The following CDK14 variants were observed in gnomAD, a reference collection of about 807,000 sequenced individuals.
CDK14 encodes cyclin-dependent kinase 14.
Under a neutral mutation model 60.7 loss-of-function variants are expected in CDK14, and 34 were observed. That is an observed-to-expected ratio of 0.56 (90% CI 0.43 to 0.75). The LOEUF is 0.75. Ranked by LOEUF, CDK14 falls within the 30% of genes least tolerant of loss-of-function variation. The pLI is 0.00. For synonymous variants in CDK14, 197 were observed against 203.7 expected, an observed-to-expected ratio of 0.97 and a Z score of 0.28; for missense variants, 482 against 564.1, an observed-to-expected ratio of 0.85 and a Z score of 1.47.
At chr7:91,000,460 TG>T (rs1795806544) in intron 10 of CDK14, among the ~76,000 whole-genome samples, 1 of 152,228 alleles carries the variant, frequency 6.6e-6, no homozygotes, top group Non-Finnish European at 1.5e-5. Flanking sequence ...TAGCCAGGCC[TG>T]ACATGCCACA....
At chr7:91,010,123 G>A (rs993926367) in intron 10 of CDK14, among the ~76,000 whole-genome samples, 1 of 152,032 alleles carries the variant, frequency 6.6e-6, no homozygotes, top group Non-Finnish European at 1.5e-5. Flanking sequence ...TTCATAGACT[G>A]TTTCATCTTG....
intron 5 of CDK14, among the ~76,000 whole-genome samples, chr7:90,829,369 T>A (rs190539173): frequency 1.5e-3 from 228 of 152,198 alleles, no homozygotes; most frequent in African/African-American, 5.2e-3. Context: ...CACAAGCAAG[T>A]CCCTTCTGAA....
At chr7:90,991,094 C>T (rs802408) in intron 10 of CDK14, among the ~76,000 whole-genome samples, 111,060 of 152,052 alleles carry the variant, frequency 0.73, 40,694 homozygotes, top group East Asian at 0.77. Flanking sequence ...AACTTAAAAG[C>T]TTCAAATTTG....
chr7:90,637,980 T>C (rs1373726517), intron 2 of CDK14, among the ~76,000 whole-genome samples: 1 of 134,438 alleles, frequency 7.4e-6, no homozygotes, highest in African/African-American at 2.9e-5. Context: ...TGTTTTCCAT[T>C]TGCTTGGTAG....
chr7:91,193,346 C>T (rs998681197), intron 14 of CDK14, among the ~76,000 whole-genome samples: 7 of 152,112 alleles, frequency 4.6e-5, no homozygotes, highest in Non-Finnish European at 5.9e-5. Context: ...AGCAACTTCT[C>T]TTGGCATTCA....
rs1035082566 is a variant in CDK14 at position 90,879,458 on chromosome 7, A to G, written c.639+16189A>G. The stretch of plus-strand genomic sequence containing the variant: ...TTCTGGATAGTGGGGAGAGGACAAG[A>G]TGGCCTACTAGAAGCAGCGGTGATT... On this transcript the variant is annotated intron_variant, in intron 6 of 14. Transcript: ENST00000380050. Among the ~76,000 whole-genome samples, 6 of 152,192 alleles carry G rather than the reference A, an allele frequency of 3.9e-5. No individual in the cohort carries two copies. In the East Asian group the frequency reaches 7.7e-4, roughly 20 times the overall value.
intron 10 of CDK14, among the ~76,000 whole-genome samples, chr7:91,029,999 T>G (rs1046296714): frequency 5.3e-5 from 8 of 152,216 alleles, no homozygotes; most frequent in Admixed American, 3.9e-4. Context: ...CCAGAGAGTA[T>G]GATGAGGATC....
rs537211566 is a variant in CDK14, at chr7:90,951,334, A to G, written c.827-4363A>G. On this transcript the variant is annotated intron_variant, in intron 8 of 14. Coordinates refer to ENST00000380050, the MANE Select transcript of CDK14 (RefSeq NM_001287135.2). ...TGTGGGAGTTGCTCTATAATATAAT[A>G]TGAAACCACTGACCAACACAAAGCT... Among the ~76,000 whole-genome samples the G allele has an allele frequency of 1.7e-4, 26 of 152,282 alleles. 2 individuals are homozygous for G. The South Asian group carries it at 5.4e-3, about 32-fold the overall frequency.
chr7:91,024,145 ATG>A (rs1796508076), intron 10 of CDK14, among the ~76,000 whole-genome samples: 1 of 151,900 alleles, frequency 6.6e-6, no homozygotes, highest in South Asian at 2.1e-4. Flanking sequence ...GATGATGATG[ATG>A]ATGATAATGA....
chr7:90,825,620 T>G (rs1375549260), intron 5 of CDK14, among the ~76,000 whole-genome samples: 2 of 152,226 alleles, frequency 1.3e-5, no homozygotes, highest in Non-Finnish European at 2.9e-5. Context: ...TATTAGATAA[T>G]TTCTTTGTAT....
At chr7:90,807,663 A>G (rs1292757726) in intron 5 of CDK14, among the ~76,000 whole-genome samples, 1 of 152,104 alleles carries the variant, frequency 6.6e-6, no homozygotes, top group Non-Finnish European at 1.5e-5. Flanking sequence ...CGATCAAACT[A>G]CTCCGAACTA....
intron 14 of CDK14, among the ~76,000 whole-genome samples, chr7:91,132,970 T>A (rs1374455654): frequency 6.6e-6 from 1 of 152,172 alleles, no homozygotes; most frequent in Non-Finnish European, 1.5e-5. Context: ...ATATGCCTTT[T>A]CTATTCACAT....
chr7:90,658,676 A>G (rs1390883229), intron 2 of CDK14, among the ~76,000 whole-genome samples: 1 of 152,184 alleles, frequency 6.6e-6, no homozygotes, highest in Non-Finnish European at 1.5e-5. Flanking sequence ...TATGGATAGG[A>G]CACATTTTGT....
intron 2 of CDK14, among the ~76,000 whole-genome samples, chr7:90,614,315 CACTCTTA>C (rs749032931): frequency 9.9e-5 from 15 of 152,148 alleles, no homozygotes; most frequent in Non-Finnish European, 2.2e-4. Context: ...TAGTTCCAAA[CACTCTTA>C]ACTCTTATTA....
chr7:90,654,030 G>A (rs1173247801), intron 2 of CDK14, among the ~76,000 whole-genome samples: 1 of 152,188 alleles, frequency 6.6e-6, no homozygotes, highest in African/African-American at 2.4e-5. Context: ...GGATTCTATG[G>A]TGTGTATGTG....
chr7:90,872,278 G>A (rs1791392934), intron 6 of CDK14, among the ~76,000 whole-genome samples: 1 of 152,144 alleles, frequency 6.6e-6, no homozygotes, highest in South Asian at 2.1e-4. Context: ...CTTTATGGAA[G>A]GGTTTTTGTT....
At chr7:90,955,948 G>T in intron 9 of CDK14, 131 bp downstream of exon 9, 1 of 1,055,412 alleles carries the variant, frequency 9.5e-7, no homozygotes, top group Non-Finnish European at 1.4e-6. Flanking sequence ...TGGCCATGCT[G>T]CTGGATGTTT....
chr7:90,861,825 A>G (rs547085488), intron 5 of CDK14, among the ~76,000 whole-genome samples: 3 of 152,298 alleles, frequency 2.0e-5, no homozygotes, highest in South Asian at 4.1e-4. Context: ...ATAAATAGGA[A>G]TAGAATAAAG....
chr7:90,948,037 C>A (rs1324952766), intron 8 of CDK14, among the ~76,000 whole-genome samples: 1 of 152,050 alleles, frequency 6.6e-6, no homozygotes, highest in African/African-American at 2.4e-5. Flanking sequence ...TATATTAATT[C>A]ATGTTTACAA....
Sources: allele counts gnomAD v4.1 joint callset (sites outside exome capture counted in the v4.1 genomes callset), GRCh38; gene constraint gnomAD v4.1.1; transcripts MANE v1.5; gene names NCBI Gene and HGNC (gene_info 2026-07-23, HGNC 2026-07-21).